BRD10: variants seen among roughly 807,000 people sequenced by gnomAD.
BRD10 encodes the protein uncharacterized bromodomain-containing protein 10.
At chr9:5,954,214 C>A in the BRD10 span, 2 of 617,560 alleles carry the variant, frequency 3.2e-6, no homozygotes, top group Non-Finnish European at 5.7e-6. Flanking sequence ...GCTAGTGAGT[C>A]AAATAAAAAT....
chr9:5,921,224 G>T, the BRD10 span: 11 of 1,613,790 alleles, frequency 6.8e-6, no homozygotes, highest in African/African-American at 1.5e-4. Flanking sequence ...TGGTATAGCT[G>T]GCACAGTGCC....
At chr9:6,007,183 G>C in the BRD10 span, 16 of 1,607,908 alleles carry the variant, frequency 1.0e-5, no homozygotes, top group Admixed American at 2.3e-4. Context: ...ACCGGGGACC[G>C]GGCTCGCTTA....
the BRD10 span, among the ~76,000 whole-genome samples, chr9:5,998,187 T>C: frequency 1.3e-5 from 2 of 152,072 alleles, no homozygotes; most frequent in Admixed American, 6.5e-5. Flanking sequence ...TAAAAGAAAC[T>C]ATTAACAGTA....
At chr9:5,879,333 C>A in the BRD10 span, among the ~76,000 whole-genome samples, 1 of 151,682 alleles carries the variant, frequency 6.6e-6, no homozygotes, top group African/African-American at 2.4e-5. Flanking sequence ...TGTGATGGTG[C>A]ACTCCAGCCT....
the BRD10 span, among the ~76,000 whole-genome samples, chr9:5,999,551 C>G: frequency 6.6e-6 from 1 of 152,070 alleles, no homozygotes; most frequent in African/African-American, 2.4e-5. Flanking sequence ...AGCTTAAAAT[C>G]CTTCATACAA....
At chr9:5,992,780 A>C in the BRD10 span, among the ~76,000 whole-genome samples, 1 of 151,942 alleles carries the variant, frequency 6.6e-6, no homozygotes, top group East Asian at 1.9e-4. Context: ...CAAATTTCAG[A>C]ATTCAGAGGC....
the BRD10 span, chr9:5,944,817 G>T: frequency 6.3e-6 from 5 of 795,526 alleles, no homozygotes; most frequent in Non-Finnish European, 7.7e-6. Context: ...GGAAAAAGCA[G>T]GAATAAATTT....
chr9:5,939,834 G>A, the BRD10 span, among the ~76,000 whole-genome samples: 1 of 152,168 alleles, frequency 6.6e-6, no homozygotes. Context: ...AGCAACATTG[G>A]TTTCAATCCA....
chr9:5,897,573 A>T, the BRD10 span: 1 of 1,614,150 alleles, frequency 6.2e-7, no homozygotes, highest in African/African-American at 1.3e-5. Context: ...TGGGATCGGC[A>T]TCCTGACAGT....
chr9:5,994,909 T>TTC, the BRD10 span, among the ~76,000 whole-genome samples: 1 of 151,304 alleles, frequency 6.6e-6, no homozygotes. Flanking sequence ...TTCTTTTTTT[T>TTC]TTTTTTTGAG....
chr9:5,979,727 T>C, the BRD10 span, among the ~76,000 whole-genome samples: 1 of 152,020 alleles, frequency 6.6e-6, no homozygotes, highest in Non-Finnish European at 1.5e-5. Flanking sequence ...CTTTTAAGTA[T>C]CTAAAATAGC....
the BRD10 span, among the ~76,000 whole-genome samples, chr9:5,938,544 C>T: frequency 6.6e-6 from 1 of 152,164 alleles, no homozygotes; most frequent in Admixed American, 6.5e-5. Context: ...ACTATAGGAA[C>T]TTAGTTTTAA....
chr9:6,007,995 G>C, the BRD10 span: 2 of 1,274,806 alleles, frequency 1.6e-6, no homozygotes, highest in Admixed American at 4.2e-5. Flanking sequence ...CGCGCGAGGA[G>C]GGGGGAGAGA....
chr9:5,991,656 C>T, the BRD10 span, among the ~76,000 whole-genome samples: 1 of 144,622 alleles, frequency 6.9e-6, no homozygotes, highest in African/African-American at 2.6e-5. Context: ...ACCTAGGAGG[C>T]GGAGGTTGCA....
At chr9:5,895,348 T>C in the BRD10 span, among the ~76,000 whole-genome samples, 1 of 151,816 alleles carries the variant, frequency 6.6e-6, no homozygotes, top group African/African-American at 2.4e-5. Context: ...TTTGTTTAAA[T>C]AGGTGGGATG....
At chr9:5,928,620 C>T in the BRD10 span, among the ~76,000 whole-genome samples, 6 of 152,108 alleles carry the variant, frequency 3.9e-5, no homozygotes, top group Non-Finnish European at 5.9e-5. Flanking sequence ...CCTTCTATTC[C>T]CTCTGCTTTC....
the BRD10 span, among the ~76,000 whole-genome samples, chr9:6,003,586 T>C: frequency 1.3e-5 from 2 of 152,264 alleles, no homozygotes; most frequent in African/African-American, 4.8e-5. Flanking sequence ...AACTGTATTT[T>C]TGATACTAAA....
At chr9:5,900,170 C>T in the BRD10 span, among the ~76,000 whole-genome samples, 1 of 152,162 alleles carries the variant, frequency 6.6e-6, no homozygotes, top group Non-Finnish European at 1.5e-5. Context: ...ATGCTCTCAT[C>T]TTAAATTCAT....
chr9:5,951,416 C>G, the BRD10 span, among the ~76,000 whole-genome samples: 3 of 152,034 alleles, frequency 2.0e-5, no homozygotes, highest in South Asian at 6.2e-4. Flanking sequence ...GGTCCTTTGG[C>G]AAACTGGTCA....
Sources: gnomAD v4.1 joint callset for allele counts (sites outside exome capture counted in the v4.1 genomes callset) on GRCh38, gnomAD v4.1.1 for gene constraint, MANE v1.5 for transcripts, NCBI Gene and HGNC (gene_info 2026-07-23, HGNC 2026-07-21) for gene names.